The following TTBK2 variants were observed in gnomAD, a reference collection of about 807,000 sequenced individuals.
TTBK2 encodes the protein tau tubulin kinase 2.
TTBK2 carries 28 observed loss-of-function variants against 110.8 expected under a neutral mutation model. That is an observed-to-expected ratio of 0.25 (90% confidence interval 0.19 to 0.35). The LOEUF (loss-of-function observed/expected upper bound fraction) is 0.35, where lower values mean the gene tolerates loss of function less well. Ranked by LOEUF, TTBK2 falls within the 10% of genes least tolerant of loss-of-function variation. The pLI is 1.00. For synonymous variants in TTBK2, 532 were observed against 527.3 expected (o/e 1.01, Z -0.12); for missense variants, 1,369 against 1,500.3 (o/e 0.91, Z 1.45).
intron 3 of TTBK2, among the ~76,000 whole-genome samples, chr15:42,848,205 A>G (rs1410351913): frequency 6.6e-6 from 1 of 151,858 alleles, no homozygotes; most frequent in Admixed American, 6.6e-5. Context: ...ATGTGATTTG[A>G]TTTTTTTTCC....
chr15:42,878,730 T>A lies in TTBK2; in HGVS notation c.-67-46A>T, dbSNP rs1446620954. ...AATAGTAGCAGTATTTAGGGTTAAC[T>A]AATCAACACAAATAACATTCCAGCA... On this transcript the variant is annotated intron_variant, in intron 1 of 14. Transcript: ENST00000267890. 8 of 1,584,586 alleles carry A rather than the reference T, an allele frequency of 5.0e-6. No individual in the cohort carries two copies. The East Asian group carries it at 1.6e-4, about 31-fold the overall frequency.
At chr15:42,852,073 T>C (rs966046629) in intron 3 of TTBK2, among the ~76,000 whole-genome samples, 8 of 138,624 alleles carry the variant, frequency 5.8e-5, no homozygotes, top group Admixed American at 2.2e-4. Flanking sequence ...TATTACCAAC[T>C]TTTTTTTTTT....
chr15:42,848,060 T>C (rs943640874), intron 3 of TTBK2, among the ~76,000 whole-genome samples: 2 of 152,188 alleles, frequency 1.3e-5, no homozygotes, highest in Non-Finnish European at 2.9e-5. Context: ...TAGGTGTTTT[T>C]TAATTGACAG....
intron 13 of TTBK2, among the ~76,000 whole-genome samples, chr15:42,766,556 AG>A (rs1889391505): frequency 6.6e-6 from 1 of 151,960 alleles, no homozygotes; most frequent in Non-Finnish European, 1.5e-5. Context: ...ACAATGGTAA[AG>A]GGATCAATTC....
At chr15:42,898,125 G>A (rs891507959) in intron 1 of TTBK2, among the ~76,000 whole-genome samples, 4 of 152,024 alleles carry the variant, frequency 2.6e-5, no homozygotes, top group Non-Finnish European at 4.4e-5. Context: ...TGCTTATGAC[G>A]GCCTTCTCAA....
intron 6 of TTBK2, among the ~76,000 whole-genome samples, chr15:42,823,338 G>C (rs1039021119): frequency 6.6e-6 from 1 of 152,152 alleles, no homozygotes; most frequent in Non-Finnish European, 1.5e-5. Context: ...ATGAAATTAT[G>C]AATCAAAGTG....
chr15:42,786,125 A>G (rs1188110317), intron 10 of TTBK2, among the ~76,000 whole-genome samples: 1 of 55,740 alleles, frequency 1.8e-5, no homozygotes, highest in African/African-American at 6.1e-5. Flanking sequence ...TCCCCGAAAA[A>G]AAAGAAAGAA....
At chr15:42,765,285 T>C (rs1227432315) in intron 13 of TTBK2, among the ~76,000 whole-genome samples, 1 of 152,204 alleles carries the variant, frequency 6.6e-6, no homozygotes, top group Admixed American at 6.5e-5. Context: ...TTGACAGAAG[T>C]AGGCTTCAGA....
At chr15:42,796,141 C>T (rs1890929645) in intron 9 of TTBK2, among the ~76,000 whole-genome samples, 2 of 152,100 alleles carry the variant, frequency 1.3e-5, no homozygotes, top group Admixed American at 6.6e-5. Flanking sequence ...CGGTGGCTCA[C>T]GCCTGTAATC....
intron 8 of TTBK2, 148 bp from the exon 9 acceptor site, chr15:42,810,887 G>A: frequency 1.1e-6 from 1 of 889,550 alleles, no homozygotes. Context: ...CTTACTAACA[G>A]CTTAATGTAC....
At chr15:42,760,675 G>A (rs2062013669) in intron 13 of TTBK2, among the ~76,000 whole-genome samples, 1 of 152,086 alleles carries the variant, frequency 6.6e-6, no homozygotes, top group South Asian at 2.1e-4. Flanking sequence ...GAAAGAAACT[G>A]AAGAGAACAT....
At chr15:42,827,413 A>C (rs1205686305) in intron 6 of TTBK2, among the ~76,000 whole-genome samples, 1 of 152,214 alleles carries the variant, frequency 6.6e-6, no homozygotes, top group African/African-American at 2.4e-5. Flanking sequence ...TGACTTACAC[A>C]TAGGGGGAAA....
In TTBK2 at chr15:42,783,539, G is replaced by T. The variant is rs1176539223; in HGVS notation, c.1077C>A (p.Ile359=). ...DEQLSDGENG[I]PVGVSPDKLP... Reference sequence around the variant, plus strand: ...ATTTATCTGGTGACACACCAACAGGGATGCCATTTTCTCCATCGCTAAGCT... The same window carrying T: ...ATTTATCTGGTGACACACCAACAGGTATGCCATTTTCTCCATCGCTAAGCT... The change falls in exon 11 of 15, where the codon ATC becomes ATA. Residue 359 remains isoleucine (I), a synonymous_variant. Transcript: ENST00000267890. 1.2e-6 allele frequency: 2 copies of T among 1,613,968 alleles called. No homozygotes were observed. Among genetic ancestry groups the T allele is most frequent in the African/African-American group, 2.7e-5 (2 of 74,888 alleles).
At chr15:42,795,110 T>C (rs1890876691) in intron 9 of TTBK2, among the ~76,000 whole-genome samples, 1 of 152,222 alleles carries the variant, frequency 6.6e-6, no homozygotes, top group Non-Finnish European at 1.5e-5. Context: ...TGTTTGTGCA[T>C]TCAATTGAAC....
chr15:42,881,885 A>G (rs1483796945), intron 1 of TTBK2, among the ~76,000 whole-genome samples: 1 of 152,142 alleles, frequency 6.6e-6, no homozygotes, highest in Non-Finnish European at 1.5e-5. Flanking sequence ...AAAAAAATAA[A>G]AAATTTAGAA....
At chr15:42,754,224 C>T (rs1261465685) in intron 13 of TTBK2, among the ~76,000 whole-genome samples, 3 of 151,644 alleles carry the variant, frequency 2.0e-5, no homozygotes, top group East Asian at 1.9e-4. Context: ...GCTGGGACTA[C>T]AGCATGCACC....
intron 3 of TTBK2, among the ~76,000 whole-genome samples, 182 bp downstream of exon 3, chr15:42,872,429 T>C (rs1173854715): frequency 6.6e-6 from 1 of 152,218 alleles, no homozygotes; most frequent in Non-Finnish European, 1.5e-5. Context: ...AGTAATTACA[T>C]ACTTCTACTA....
intron 10 of TTBK2, among the ~76,000 whole-genome samples, chr15:42,792,899 G>A (rs1312711811): frequency 6.6e-6 from 1 of 152,122 alleles, no homozygotes; most frequent in Non-Finnish European, 1.5e-5. Flanking sequence ...TTGGAAGATG[G>A]GAACATAAAC....
At chr15:42,775,054 CT>C in intron 13 of TTBK2, 80 bp downstream of exon 13, 4 of 1,468,474 alleles carry the variant, frequency 2.7e-6, no homozygotes, top group Non-Finnish European at 1.9e-6. Flanking sequence ...ACTGAAGTAT[CT>C]TAGTTGATCA....
Sources: gnomAD v4.1 joint callset for allele counts (sites outside exome capture counted in the v4.1 genomes callset) on GRCh38, gnomAD v4.1.1 for gene constraint, MANE v1.5 for transcripts, NCBI Gene and HGNC (gene_info 2026-07-23, HGNC 2026-07-21) for gene names.